The following MAP3K1 variants were observed in gnomAD, a reference collection of about 807,000 sequenced individuals.
MAP3K1 encodes MAP/ERK kinase kinase 1.
Under a neutral mutation model 144.2 loss-of-function variants are expected in MAP3K1, and 36 were observed. That is an observed-to-expected ratio of 0.25 (90% CI 0.19 to 0.33). The LOEUF (loss-of-function observed/expected upper bound fraction) is 0.33. Ranked by LOEUF, MAP3K1 falls within the 10% of genes least tolerant of loss-of-function variation. MAP3K1 has a pLI of 1.00. For missense variants in MAP3K1, 1,650 were observed against 1,881.9 expected (o/e 0.88, Z 2.28); for synonymous variants, 718 against 688.7 (o/e 1.04, Z -0.67).
At chr5:56,861,653 C>CAT (rs1747518463) in intron 3 of MAP3K1, among the ~76,000 whole-genome samples, 1 of 151,034 alleles carries the variant, frequency 6.6e-6, no homozygotes, top group South Asian at 2.1e-4. Context: ...AACTTTCTTT[C>CAT]ATATACTTTA....
Position 56,895,504 on chromosome 5 carries a change from C to T in MAP3K1, c.*1824C>T, listed in dbSNP as rs1173795846. On this transcript the variant is annotated 3_prime_UTR_variant, in exon 20 of 20. Coordinates refer to ENST00000399503, the MANE Select transcript of MAP3K1 (RefSeq NM_005921.2). ...ATCATTGGTCAGATGAATACTGTGTCTGACAAAAATGTAAACTGTATAAAC... is the reference window on the plus strand; with the variant it reads ...ATCATTGGTCAGATGAATACTGTGTTTGACAAAAATGTAAACTGTATAAAC... 1.7e-5 allele frequency: 4 copies of T among 231,280 alleles called. No homozygotes were observed. In the East Asian group the frequency reaches 2.4e-4, roughly 14 times the overall value. The allele number at this position is 231,280 out of a possible 1,614,324, so 14.3% of individuals were successfully genotyped here.
At chr5:56,831,817 C>G (rs1746502685) in intron 1 of MAP3K1, among the ~76,000 whole-genome samples, 1 of 152,172 alleles carries the variant, frequency 6.6e-6, no homozygotes, top group South Asian at 2.1e-4. Context: ...TACTCTGATA[C>G]TAAACAGTTT....
At chr5:56,872,513 G>T (rs1463548195) in intron 7 of MAP3K1, 128 bp from the exon 8 acceptor site, 1 of 677,768 alleles carries the variant, frequency 1.5e-6, no homozygotes, top group East Asian at 2.7e-5. Context: ...CTTGCTTTCA[G>T]ATAAACATTT....
intron 6 of MAP3K1, 60 bp from the exon 7 acceptor site, chr5:56,871,850 C>T: frequency 6.5e-7 from 1 of 1,530,220 alleles, no homozygotes; most frequent in Non-Finnish European, 9.0e-7. Context: ...GTGTTTTTAG[C>T]ATATCCGTTC....
intron 1 of MAP3K1, among the ~76,000 whole-genome samples, chr5:56,825,959 C>T (rs558534116): frequency 0.021 from 3,158 of 150,480 alleles, 56 homozygotes; most frequent in Non-Finnish European, 0.032. Flanking sequence ...CCTCAACTGA[C>T]CGTTCTTCTT....
At chr5:56,859,325 T>C (rs1340912601) in intron 2 of MAP3K1, among the ~76,000 whole-genome samples, 3 of 152,156 alleles carry the variant, frequency 2.0e-5, no homozygotes, top group Non-Finnish European at 4.4e-5. Flanking sequence ...TTTGATCTAG[T>C]AGTTGAATAA....
At chr5:56,841,782 AG>A (rs1318474787) in intron 1 of MAP3K1, among the ~76,000 whole-genome samples, 1 of 152,204 alleles carries the variant, frequency 6.6e-6, no homozygotes, top group African/African-American at 2.4e-5. Flanking sequence ...AGTTCCAAAA[AG>A]GTTGTGAATT....
At chr5:56,889,176 T>G (rs1748472242) in intron 19 of MAP3K1, among the ~76,000 whole-genome samples, 1 of 152,210 alleles carries the variant, frequency 6.6e-6, no homozygotes, top group South Asian at 2.1e-4. Flanking sequence ...TTGTTTTTTG[T>G]TTTTGTTTTT....
Position 56,894,968 on chromosome 5 carries a change from C to T in MAP3K1, c.*1288C>T, listed in dbSNP as rs960722334. 2.2e-5 allele frequency: 5 copies of T among 231,718 alleles called. No homozygotes were observed. The highest frequency in any genetic ancestry group is 3.4e-5 in the Non-Finnish European group (4 of 117,236). The allele number at this position is 231,718 out of a possible 1,614,324, so 14.4% of individuals were successfully genotyped here. A position where few individuals can be genotyped will look rare whatever the true frequency, so the allele number is the denominator to read the frequency against. On this transcript the variant is annotated 3_prime_UTR_variant, in exon 20 of 20. Transcript: ENST00000399503. ...ATGGAATCCTGAAGGAAAATGGTAG[C>T]TTTTTAATCTTTTTGTGTGTGTGTG...
intron 2 of MAP3K1, among the ~76,000 whole-genome samples, chr5:56,858,052 A>C (rs1316868613): frequency 6.6e-6 from 1 of 152,236 alleles, no homozygotes; most frequent in Non-Finnish European, 1.5e-5. Context: ...TTCGTGCCAG[A>C]AGGTGAATAT....
chr5:56,883,571 T>C lies in MAP3K1; in HGVS notation c.3711T>C (p.Tyr1237=). The C allele has an allele frequency of 1.2e-6, 2 of 1,614,116 alleles. No homozygotes were observed. The highest frequency in any genetic ancestry group is 1.7e-6 in the Non-Finnish European group (2 of 1,179,998). The change falls in exon 15 of 20, where the codon TAT becomes TAC. Residue 1237 remains tyrosine, a synonymous_variant. Transcript: ENST00000399503. ...LPGHTKAKQP[Y]REDTEWLKGQ... ...GACATACCAAAGCAAAACAACCGTA[T>C]AGAGAAGACACTGAATGGCTGAAAG... is the stretch of plus-strand genomic sequence containing the variant.
At chr5:56,823,897 A>C (rs971920571) in intron 1 of MAP3K1, among the ~76,000 whole-genome samples, 4 of 152,212 alleles carry the variant, frequency 2.6e-5, no homozygotes, top group African/African-American at 9.7e-5. Context: ...GTGTGTATAT[A>C]TATGCATTTA....
chr5:56,877,808 C>T (rs562244673), intron 10 of MAP3K1, among the ~76,000 whole-genome samples: 1 of 152,260 alleles, frequency 6.6e-6, no homozygotes, highest in Non-Finnish European at 1.5e-5. Flanking sequence ...TCCCACAGTG[C>T]ATTTAGTCAC....
intron 3 of MAP3K1, among the ~76,000 whole-genome samples, chr5:56,863,316 T>A (rs190450074): frequency 6.6e-6 from 1 of 152,350 alleles, no homozygotes; most frequent in East Asian, 1.9e-4. Flanking sequence ...AACAACAGTC[T>A]CTCCCAACCC....
At chr5:56,890,247 G>A (rs1051377515) in intron 19 of MAP3K1, among the ~76,000 whole-genome samples, 4 of 152,098 alleles carry the variant, frequency 2.6e-5, no homozygotes, top group African/African-American at 9.7e-5. Flanking sequence ...CAATTTGAAA[G>A]TTTGATGTTA....
intron 9 of MAP3K1, among the ~76,000 whole-genome samples, chr5:56,874,464 C>G (rs1747953352): frequency 6.6e-6 from 1 of 152,084 alleles, no homozygotes; most frequent in Non-Finnish European, 1.5e-5. Flanking sequence ...TTGATTTGTC[C>G]ACTCCATTCG....
intron 18 of MAP3K1, chr5:56,887,810 G>T (rs832548): frequency 2.2e-6 from 1 of 458,624 alleles, no homozygotes; most frequent in African/African-American, 2.0e-5. Flanking sequence ...GTGCACATAA[G>T]AAATTTTTAA....
At chr5:56,816,203 CG>C in intron 1 of MAP3K1, 148 bp downstream of exon 1, 1 of 838,662 alleles carries the variant, frequency 1.2e-6, no homozygotes, top group Non-Finnish European at 1.6e-6. Flanking sequence ...GAGCACCCCC[CG>C]ACCCCTTCGG....
intron 1 of MAP3K1, among the ~76,000 whole-genome samples, chr5:56,821,271 A>C (rs78506037): frequency 9.8e-5 from 15 of 152,288 alleles, no homozygotes; most frequent in African/African-American, 3.6e-4. Flanking sequence ...TGTTAATTTG[A>C]TCGAGATGTG....
Sources: allele counts gnomAD v4.1 joint callset (sites outside exome capture counted in the v4.1 genomes callset), GRCh38; gene constraint gnomAD v4.1.1; transcripts MANE v1.5; gene names NCBI Gene and HGNC (gene_info 2026-07-23, HGNC 2026-07-21).